Variants in MRPS23 observed in about 807,000 individuals in gnomAD.
MRPS23 encodes the protein small ribosomal subunit protein mS23.
MRPS23 carries 14 observed loss-of-function variants against 19.8 expected under a neutral mutation model. That is an observed-to-expected ratio of 0.71 (90% CI 0.47 to 1.11). The LOEUF (loss-of-function observed/expected upper bound fraction) is 1.11. MRPS23 is among the 50% of genes least tolerant of loss of function. MRPS23 has a pLI of 0.00. For missense variants in MRPS23, 242 were observed against 236.7 expected, an observed-to-expected ratio of 1.02 and a Z score of -0.15; for synonymous variants, 113 against 89.7, an observed-to-expected ratio of 1.26 and a Z score of -1.47.
chr17:57,848,353 TA>T (rs139832505), intron 2 of MRPS23, among the ~76,000 whole-genome samples: 2 of 150,944 alleles, frequency 1.3e-5, no homozygotes, highest in East Asian at 1.9e-4. Flanking sequence ...AAAGGGATGC[TA>T]AAAAAAAATA....
intron 2 of MRPS23, among the ~76,000 whole-genome samples, chr17:57,845,934 T>C (rs769614300): frequency 1.3e-5 from 2 of 152,206 alleles, no homozygotes; most frequent in Non-Finnish European, 2.9e-5. Flanking sequence ...TAATGAATGT[T>C]TGTTATTGAA....
intron 4 of MRPS23, among the ~76,000 whole-genome samples, chr17:57,840,409 A>AGAACCAAAT (rs2073733436): frequency 6.6e-6 from 1 of 151,840 alleles, no homozygotes; most frequent in African/African-American, 2.4e-5. Context: ...AAAAGTCTAT[A>AGAACCAAAT]GAACCAAATT....
Position 57,839,945 on chromosome 17 carries a change from C to G in MRPS23, c.421-10G>C, listed in dbSNP as rs756185274. On this transcript the variant is annotated splice_polypyrimidine_tract_variant and intron_variant, in intron 4 of 4. Coordinates refer to ENST00000313608, the MANE Select transcript of MRPS23 (RefSeq NM_016070.4). ...GACTACCTCCGTGTTGCTTAAAAGA[C>G]CAGATTTAAGTATCACAGAGATGTT... is the stretch of plus-strand genomic sequence containing the variant. 1.1e-5 allele frequency: 17 copies of G among 1,613,716 alleles called. No homozygotes were observed. In the East Asian group the frequency reaches 2.9e-4, roughly 28 times the overall value.
chr17:57,848,981 G>A, intron 2 of MRPS23: 2 of 491,808 alleles, frequency 4.1e-6, no homozygotes, highest in South Asian at 5.4e-5. Context: ...GCTTAGTACA[G>A]TGCCTGGCCC....
At chr17:57,847,857 C>T (rs759671463) in intron 2 of MRPS23, among the ~76,000 whole-genome samples, 102 of 151,836 alleles carry the variant, frequency 6.7e-4, no homozygotes, top group Non-Finnish European at 1.2e-3. Context: ...CCACCAAGCC[C>T]GGCTAATTTT....
Position 57,839,699 on chromosome 17 carries a change from T to C in MRPS23, c.*84A>G, listed in dbSNP as rs2073728370. 2 of 1,498,750 alleles carry C rather than the reference T, an allele frequency of 1.3e-6. No homozygotes were observed. The allele number at this position is 1,498,750 out of a possible 1,614,324, so 92.8% of individuals were successfully genotyped here. A position where few individuals can be genotyped will look rare whatever the true frequency, so the allele number is the denominator to read the frequency against. Reference sequence around the variant, plus strand: ...AATACCTTAGAGATCAAGAAACATTTACACAGTTCAACTGTTTAAAAATAG... The same window carrying C: ...AATACCTTAGAGATCAAGAAACATTCACACAGTTCAACTGTTTAAAAATAG... On this transcript the variant is annotated 3_prime_UTR_variant, in exon 5 of 5. Transcript: ENST00000313608.
At chr17:57,846,948 TAAAAATA>T (rs1450893806) in intron 2 of MRPS23, among the ~76,000 whole-genome samples, 1 of 149,602 alleles carries the variant, frequency 6.7e-6, no homozygotes, top group South Asian at 2.1e-4. Flanking sequence ...AAAAATAAAT[TAAAAATA>T]AAAAATAAAA....
Position 57,836,685 on chromosome 17 carries a change from T to A in MRPS23, c.*3098A>T, listed in dbSNP as rs1321117253. On this transcript the variant is annotated 3_prime_UTR_variant, in exon 5 of 5. Coordinates refer to ENST00000313608, the MANE Select transcript of MRPS23 (RefSeq NM_016070.4). ...AACTCGATTTTAAGATTTTTTTTTT[T>A]TTTTTTTTGAGACAGGGTCTTGCTC... is the stretch of plus-strand genomic sequence containing the variant. The A allele has an allele frequency of 1.3e-5, 2 of 152,024 alleles. No individual in the cohort carries two copies. The highest frequency in any genetic ancestry group is 4.8e-5 in the African/African-American group (2 of 41,368). 9.4% of individuals were successfully genotyped at this position (152,024 alleles called of 1,614,324 possible). A position where few individuals can be genotyped will look rare whatever the true frequency, so the allele number is the denominator to read the frequency against.
intron 4 of MRPS23, among the ~76,000 whole-genome samples, chr17:57,840,615 T>C (rs569076536): frequency 2.2e-4 from 33 of 152,146 alleles, no homozygotes; most frequent in East Asian, 1.4e-3. Flanking sequence ...GTTCCACATA[T>C]GCAGATTCAA....
chr17:57,843,037 G>A (rs2073750872), intron 2 of MRPS23, among the ~76,000 whole-genome samples: 2 of 150,946 alleles, frequency 1.3e-5, no homozygotes, highest in South Asian at 4.2e-4. Flanking sequence ...CACTTTGGAA[G>A]GCCAAGGCAG....
At chr17:57,846,939 A>AAAATAAATT (rs1419864962) in intron 2 of MRPS23, among the ~76,000 whole-genome samples, 35 of 151,310 alleles carry the variant, frequency 2.3e-4, no homozygotes, top group African/African-American at 8.2e-4. Flanking sequence ...AAAAATAATA[A>AAAATAAATT]AAATAAATTA....
chr17:57,844,644 G>A (rs1187963577), intron 2 of MRPS23, among the ~76,000 whole-genome samples: 3 of 149,606 alleles, frequency 2.0e-5, no homozygotes, highest in Non-Finnish European at 4.4e-5. Context: ...GGTGACACAT[G>A]CCTGTAATCC....
rs1348965918 is a variant in MRPS23 at position 57,841,039 on chromosome 17, A to G, written c.307T>C (p.Tyr103His). The G allele has an allele frequency of 1.2e-6, 2 of 1,614,116 alleles. No individual in the cohort carries two copies. Among genetic ancestry groups the G allele is most frequent in the Non-Finnish European group, 8.5e-7 (1 of 1,179,994 alleles). The change falls in exon 4 of 5, where the codon TAC becomes CAC. Residue 103 changes from tyrosine (Y) to histidine (H), a missense_variant. Coordinates refer to ENST00000313608, the MANE Select transcript of MRPS23 (RefSeq NM_016070.4). ...TCTCCAAGTTTCTGTAGCTCAGTGT[A>G]CTTCTCCACAAACCTGTAATTCCAA... Reference protein sequence around the residue: ...KSTCQRFVEKYTELQKLGETD... With the variant: ...KSTCQRFVEKHTELQKLGETD...
At chr17:57,849,864 T>C in intron 1 of MRPS23, 103 bp downstream of exon 1, 2 of 1,389,406 alleles carry the variant, frequency 1.4e-6, no homozygotes, top group Non-Finnish European at 9.7e-7. Context: ...CACCCTGCAA[T>C]ACGCCTCGCC....
chr17:57,843,632 A>G (rs571966476), intron 2 of MRPS23, among the ~76,000 whole-genome samples: 72 of 152,218 alleles, frequency 4.7e-4, no homozygotes, highest in Non-Finnish European at 8.2e-4. Context: ...GATAGAAGAG[A>G]GCTTGCTACC....
chr17:57,842,885 T>TACACAC (rs1401795190), intron 2 of MRPS23, among the ~76,000 whole-genome samples: 6 of 109,268 alleles, frequency 5.5e-5, no homozygotes, highest in African/African-American at 1.8e-4. Context: ...AAAAAATATA[T>TACACAC]ATATATACAC....
intron 2 of MRPS23, 125 bp downstream of exon 2, chr17:57,849,115 T>C: frequency 7.9e-7 from 1 of 1,265,712 alleles, no homozygotes; most frequent in Non-Finnish European, 1.1e-6. Context: ...CTAATTTGGC[T>C]AGATAAGCCT....
intron 2 of MRPS23, among the ~76,000 whole-genome samples, chr17:57,846,762 G>A (rs1275406681): frequency 6.6e-6 from 1 of 152,006 alleles, no homozygotes; most frequent in African/African-American, 2.4e-5. Flanking sequence ...CAAGTACCCA[G>A]GAACACAAAC....
At chr17:57,844,795 T>G (rs958051084) in intron 2 of MRPS23, among the ~76,000 whole-genome samples, 2 of 144,994 alleles carry the variant, frequency 1.4e-5, no homozygotes, top group South Asian at 4.4e-4. Flanking sequence ...AAAAAAAAAG[T>G]AATATTTAAC....
Sources: gnomAD v4.1 joint callset for allele counts (sites outside exome capture counted in the v4.1 genomes callset) on GRCh38, gnomAD v4.1.1 for gene constraint, MANE v1.5 for transcripts, NCBI Gene and HGNC (gene_info 2026-07-23, HGNC 2026-07-21) for gene names.